KLF7: variants seen among roughly 807,000 people sequenced by gnomAD.
KLF7 encodes Krueppel-like factor 7.
Under a neutral mutation model 27.3 loss-of-function variants are expected in KLF7, and 2 were observed. The observed-to-expected ratio is 0.07, with a 90% CI of 0.03 to 0.23. KLF7 has a LOEUF of 0.23. Among genes scored for constraint, KLF7 ranks in the 10% least tolerant of loss-of-function variants. The pLI is 1.00. For missense variants in KLF7, 221 were observed against 394.1 expected (o/e 0.56, Z 3.72); for synonymous variants, 165 against 162.4 (o/e 1.02, Z -0.12).
chr2:207,166,903 C>T (rs1298522287), upstream of KLF7: 2 of 1,055,232 alleles, frequency 1.9e-6, no homozygotes, highest in East Asian at 4.4e-5. Flanking sequence ...CTGCGCCCGC[C>T]CCCCGCTTGC....
chr2:207,138,130 G>A (rs1434770197), intron 1 of KLF7, among the ~76,000 whole-genome samples: 1 of 152,112 alleles, frequency 6.6e-6, no homozygotes, highest in Non-Finnish European at 1.5e-5. Context: ...AATCATCACT[G>A]CCATCCCCTC....
At chr2:207,167,082 G>C (rs1559178113), upstream of KLF7, 1 of 1,367,380 alleles carries the variant, frequency 7.3e-7, no homozygotes, top group East Asian at 3.0e-5. Context: ...CTAGGTAGAC[G>C]TGGGGCGCAA....
At chr2:207,113,620 G>GGGGA (rs1491431908) in intron 2 of KLF7, among the ~76,000 whole-genome samples, 55 of 107,760 alleles carry the variant, frequency 5.1e-4, no homozygotes, top group South Asian at 1.8e-3. Flanking sequence ...GGGGGGGGGG[G>GGGGA]AAATGATGCA....
intron 1 of KLF7, among the ~76,000 whole-genome samples, chr2:207,125,410 C>T (rs1370408366): frequency 6.6e-6 from 1 of 152,204 alleles, no homozygotes; most frequent in Non-Finnish European, 1.5e-5. Flanking sequence ...CTTGCACTAT[C>T]AGCTCAATTT....
At chr2:207,088,236 T>C (rs1182599622) in intron 3 of KLF7, among the ~76,000 whole-genome samples, 1 of 152,194 alleles carries the variant, frequency 6.6e-6, no homozygotes, top group African/African-American at 2.4e-5. Context: ...TAGTGTTCTG[T>C]AAATGCTTGT....
chr2:207,141,670 G>A (rs1438399109), intron 1 of KLF7, among the ~76,000 whole-genome samples: 1 of 152,128 alleles, frequency 6.6e-6, no homozygotes, highest in Non-Finnish European at 1.5e-5. Flanking sequence ...TTCAATGTTG[G>A]CAATGAGTAT....
At chr2:207,166,105 C>A, upstream of KLF7, 3 of 972,280 alleles carry the variant, frequency 3.1e-6, no homozygotes, top group Non-Finnish European at 2.4e-6. Flanking sequence ...TCCTGCTCTT[C>A]CCCCTCCCCA....
chr2:207,159,635 T>C (rs1488889836), intron 1 of KLF7, among the ~76,000 whole-genome samples: 1 of 152,184 alleles, frequency 6.6e-6, no homozygotes, highest in African/African-American at 2.4e-5. Flanking sequence ...TACTTGAATA[T>C]AAACAACAAA....
chr2:207,106,908 G>T (rs2076897921), intron 2 of KLF7, among the ~76,000 whole-genome samples: 1 of 152,128 alleles, frequency 6.6e-6, no homozygotes, highest in African/African-American at 2.4e-5. Flanking sequence ...TGCTGCAGGG[G>T]ACAGGCTTTG....
chr2:207,100,608 C>T (rs954767709), intron 2 of KLF7, among the ~76,000 whole-genome samples: 9 of 152,184 alleles, frequency 5.9e-5, no homozygotes, highest in African/African-American at 2.2e-4. Flanking sequence ...CCCCAACTCC[C>T]GCCCAAGCCT....
chr2:207,125,523 G>A (rs1219094758), intron 1 of KLF7, among the ~76,000 whole-genome samples: 1 of 152,134 alleles, frequency 6.6e-6, no homozygotes, highest in African/African-American at 2.4e-5. Flanking sequence ...TTCAACTGAT[G>A]TTCTGATTCT....
chr2:207,101,077 A>G (rs1292623596), intron 2 of KLF7, among the ~76,000 whole-genome samples: 1 of 152,200 alleles, frequency 6.6e-6, no homozygotes, highest in Non-Finnish European at 1.5e-5. Flanking sequence ...AAACCCTAAC[A>G]TGCATTATCT....
At chr2:207,154,843 T>A (rs1424419361) in intron 1 of KLF7, among the ~76,000 whole-genome samples, 1 of 152,188 alleles carries the variant, frequency 6.6e-6, no homozygotes, top group Admixed American at 6.5e-5. Context: ...AAATCCTTCA[T>A]GTAATTTGTC....
upstream of KLF7, chr2:207,167,242 C>G (rs2078742520): frequency 1.9e-6 from 2 of 1,070,912 alleles, no homozygotes; most frequent in Non-Finnish European, 2.4e-6. Flanking sequence ...AGATCTGTTA[C>G]ATCTGAGATG....
chr2:207,119,336 T>C (rs558920937), intron 2 of KLF7, among the ~76,000 whole-genome samples: 8 of 152,220 alleles, frequency 5.3e-5, no homozygotes, highest in Non-Finnish European at 1.2e-4. Flanking sequence ...CAAAGCACCA[T>C]TTCAATGAAA....
chr2:207,086,705 A>G (rs375545828), intron 3 of KLF7, among the ~76,000 whole-genome samples: 2 of 152,264 alleles, frequency 1.3e-5, no homozygotes, highest in Non-Finnish European at 1.5e-5. Context: ...TTGTAAATCA[A>G]TAAGTCAGTT....
chr2:207,075,608 T>C lies in KLF7; in HGVS notation c.*5605A>G, dbSNP rs2076161678. On this transcript the variant is annotated 3_prime_UTR_variant, in exon 4 of 4. Coordinates refer to ENST00000309446, the MANE Select transcript of KLF7 (RefSeq NM_003709.4). The stretch of plus-strand genomic sequence containing the variant: ...AACTGTTAAGAGGATAATAGAGATT[T>C]GAAAGAAAAGTTTCAGTGGCTGGGA... The C allele has an allele frequency of 6.7e-6, 1 of 149,650 alleles. No homozygotes were observed. Among genetic ancestry groups the C allele is most frequent in the Admixed American group, 6.7e-5 (1 of 14,950 alleles). 9.3% of individuals were successfully genotyped at this position (149,650 alleles called of 1,614,324 possible). A position where few individuals can be genotyped will look rare whatever the true frequency, so the allele number is the denominator to read the frequency against.
At chr2:207,084,164 A>G (rs1004721631) in intron 3 of KLF7, among the ~76,000 whole-genome samples, 1 of 152,180 alleles carries the variant, frequency 6.6e-6, no homozygotes, top group African/African-American at 2.4e-5. Flanking sequence ...ACCTGTGAGA[A>G]GCAACAACGC....
chr2:207,085,966 T>C (rs1359418211), intron 3 of KLF7, among the ~76,000 whole-genome samples: 2 of 126,884 alleles, frequency 1.6e-5, no homozygotes, highest in Non-Finnish European at 3.3e-5. Flanking sequence ...GTGTGACATT[T>C]AACGATTTTA....
Sources: allele counts gnomAD v4.1 joint callset (sites outside exome capture counted in the v4.1 genomes callset), GRCh38; gene constraint gnomAD v4.1.1; transcripts MANE v1.5; gene names NCBI Gene and HGNC (gene_info 2026-07-23, HGNC 2026-07-21).